The following ARID4B variants were observed in gnomAD, a reference collection of about 807,000 sequenced individuals.
ARID4B encodes the protein AT-rich interaction domain 4B, also known as AT-rich interactive domain-containing protein 4B.
Under a neutral mutation model 147.5 loss-of-function variants are expected in ARID4B, and 26 were observed. The ratio of observed to expected loss-of-function variants is 0.18; its 90% CI spans 0.13 to 0.24. The LOEUF (loss-of-function observed/expected upper bound fraction) is 0.24, where lower values mean the gene tolerates loss of function less well. Among genes scored for constraint, ARID4B ranks in the 10% least tolerant of loss-of-function variants. The probability of loss-of-function intolerance (pLI) is 1.00; values close to 1 mark genes in which losing one functional copy is unlikely to be tolerated. For missense variants in ARID4B, 1,179 were observed against 1,511.5 expected, an observed-to-expected ratio of 0.78 and a Z score of 3.65; for synonymous variants, 512 against 507.9, an observed-to-expected ratio of 1.01 and a Z score of -0.11.
intron 22 of ARID4B, 131 bp from the exon 23 acceptor site, chr1:235,172,895 ATTTG>A: frequency 1.3e-6 from 1 of 745,250 alleles, no homozygotes; most frequent in Non-Finnish European, 2.0e-6. Flanking sequence ...CTTCTGAAAT[ATTTG>A]TTTTCCAAAT....
chr1:235,319,212 G>A (rs923546775), intron 2 of ARID4B, among the ~76,000 whole-genome samples: 20 of 152,334 alleles, frequency 1.3e-4, no homozygotes, highest in African/African-American at 4.3e-4. Context: ...AGAAATTTAT[G>A]AACACTTTAA....
chr1:235,240,232 GA>G, intron 8 of ARID4B, 80 bp downstream of exon 8: 1 of 1,291,160 alleles, frequency 7.7e-7, no homozygotes. Context: ...TTGTACCTAT[GA>G]AAAACATTAG....
chr1:235,192,038 T>G (rs1665147336), intron 19 of ARID4B, among the ~76,000 whole-genome samples: 1 of 151,874 alleles, frequency 6.6e-6, no homozygotes. Context: ...ACCACTGCAC[T>G]CCAGCCTGGG....
chr1:235,290,951 T>C (rs1340916250), intron 2 of ARID4B, among the ~76,000 whole-genome samples: 2 of 152,118 alleles, frequency 1.3e-5, no homozygotes, highest in Non-Finnish European at 2.9e-5. Context: ...TTGTTTTAAT[T>C]AGCTGGGCAT....
rs1405230113 is a variant in ARID4B, at chr1:235,182,076, T to A, written c.2843A>T (p.Asp948Val). Residue 948 changes from aspartate (D) to valine (V), a missense_variant, in exon 20 of 24, where the codon GAT becomes GTT. Physicochemically the swap from Asp to Val is radical, Grantham distance 152. Around this residue, in one of 10 missense-constraint regions of ARID4B, gnomAD observed 8 missense variants for 28.7 expected, o/e 0.28. Coordinates refer to ENST00000264183, the MANE Select transcript of ARID4B (RefSeq NM_016374.6). ...KTLKELFSDS[D>V]TEAAASPPHP... ...CGGTGGGGAAGCTGCAGCCTCAGTA[T>A]CAGAGTCTGAAAAAAGCTCTTTCAG... 1 of 1,614,160 alleles carries A rather than the reference T, an allele frequency of 6.2e-7. No individual in the cohort carries two copies.
At chr1:235,314,678 G>C (rs933683529) in intron 2 of ARID4B, among the ~76,000 whole-genome samples, 1 of 151,892 alleles carries the variant, frequency 6.6e-6, no homozygotes, top group African/African-American at 2.4e-5. Flanking sequence ...CAACAGCAAG[G>C]TTCCTGGAAT....
At chr1:235,181,381 AG>A in intron 20 of ARID4B, 1 of 770,930 alleles carries the variant, frequency 1.3e-6, no homozygotes, top group South Asian at 2.0e-5. Context: ...GGATGGCTCA[AG>A]CAAAGCACAT....
At position 235,296,829 on chromosome 1, in the gene ARID4B, G is replaced by GGGAGA. The variant is rs1228931997; in HGVS notation, c.6+30084_6+30085insTCTCC. 7.4e-3 allele frequency among the ~76,000 whole-genome samples: 905 copies of GGGAGA among 122,320 alleles called. 63 individuals carry two copies. The highest frequency in any genetic ancestry group is 0.025 in the African/African-American group (772 of 30,734). 80.2% of individuals were successfully genotyped at this position (122,320 alleles called of 152,430 possible). A position where few individuals can be genotyped will look rare whatever the true frequency, so the allele number is the denominator to read the frequency against. On this transcript the variant is annotated intron_variant, in intron 2 of 23. Transcript: ENST00000264183. ...AGGAAGGAAGGAAGGAAGGAAGGAA[G>GGGAGA]GAAGGAAGGGAGGAAGGAGGGAGGG...
At chr1:235,298,049 C>T (rs11581782) in intron 2 of ARID4B, among the ~76,000 whole-genome samples, 19,969 of 152,108 alleles carry the variant, frequency 0.13, 1,526 homozygotes, top group African/African-American at 0.2. Flanking sequence ...AATGGTATGA[C>T]AGTTGTACTA....
chr1:235,223,099 G>T, intron 13 of ARID4B, 67 bp downstream of exon 13: 1 of 1,063,864 alleles, frequency 9.4e-7, no homozygotes, highest in South Asian at 1.5e-5. Context: ...AACAATTTCA[G>T]AGATGGCAGA....
intron 20 of ARID4B, among the ~76,000 whole-genome samples, chr1:235,178,798 CCTAA>C (rs1437306725): frequency 6.6e-6 from 1 of 152,062 alleles, no homozygotes; most frequent in Non-Finnish European, 1.5e-5. Context: ...GTGTATAAAA[CCTAA>C]CTTCCTTGAT....
At chr1:235,238,798 C>T (rs983885725) in intron 8 of ARID4B, among the ~76,000 whole-genome samples, 3 of 151,070 alleles carry the variant, frequency 2.0e-5, no homozygotes, top group Non-Finnish European at 2.9e-5. Context: ...AAGGCTGCAG[C>T]GAGTCAGGAT....
chr1:235,221,453 T>C (rs1558216872), intron 14 of ARID4B, 112 bp downstream of exon 14: 1 of 601,430 alleles, frequency 1.7e-6, no homozygotes. Context: ...ACTACTCTAG[T>C]AAAATGTTCT....
rs773031415 is a variant in ARID4B at position 235,182,605 on chromosome 1, A to G, written c.2314T>C (p.Ser772Pro). 1.2e-6 allele frequency: 2 copies of G among 1,613,506 alleles called. No homozygotes were observed. The highest frequency in any genetic ancestry group is 1.1e-5 in the South Asian group (1 of 90,988). ...ENKVHADLVI[S>P]KPVSKSPERL... ...TCTGGAGATTTTGACACTGGTTTGG[A>G]TATTACCAAATCTGCATGAACTTTG... Residue 772 changes from serine to proline, a missense_variant, in exon 20 of 24, where the codon TCC (serine) becomes CCC (proline). This residue lies in a region of ARID4B where 321 missense variants were observed against 342.4 expected (regional missense o/e 0.94). Transcript: ENST00000264183.
intron 2 of ARID4B, among the ~76,000 whole-genome samples, chr1:235,284,822 A>T (rs888060837): frequency 6.6e-6 from 1 of 152,194 alleles, no homozygotes; most frequent in African/African-American, 2.4e-5. Flanking sequence ...TGAGGCCAGG[A>T]GCTCAAGACC....
At chr1:235,326,610 T>C (rs1009714500) in intron 2 of ARID4B, among the ~76,000 whole-genome samples, 2 of 152,248 alleles carry the variant, frequency 1.3e-5, no homozygotes, top group East Asian at 1.9e-4. Flanking sequence ...TCAGATTACC[T>C]GACTTGCTTT....
intron 2 of ARID4B, chr1:235,326,667 A>G: frequency 5.7e-6 from 3 of 526,664 alleles, no homozygotes; most frequent in South Asian, 4.3e-5. Flanking sequence ...TATTCCTCTC[A>G]TTCCCTACAA....
At chr1:235,195,937 A>C in intron 18 of ARID4B, 94 bp downstream of exon 18, 2 of 753,216 alleles carry the variant, frequency 2.7e-6, no homozygotes, top group Non-Finnish European at 4.5e-6. Flanking sequence ...GTGCTATTTC[A>C]ATAAAGTGTA....
chr1:235,189,062 C>A (rs1218080444), intron 19 of ARID4B, among the ~76,000 whole-genome samples: 1 of 152,042 alleles, frequency 6.6e-6, no homozygotes, highest in Non-Finnish European at 1.5e-5. Context: ...ACAAAACACA[C>A]AGAAAACAGA....
Sources: gnomAD v4.1 joint callset for allele counts (sites outside exome capture counted in the v4.1 genomes callset) on GRCh38, gnomAD v4.1.1 for gene constraint, gnomAD v4.1.1 regional missense constraint, MANE v1.5 for transcripts, NCBI Gene and HGNC (gene_info 2026-07-23, HGNC 2026-07-21) for gene names.